Variants in RRP12 observed in about 807,000 individuals in gnomAD.
RRP12 encodes the protein RRP12-like protein.
In RRP12, 78 loss-of-function variants were observed where a neutral mutation model predicts 157.3. The ratio of observed to expected loss-of-function variants is 0.50; its 90% CI spans 0.41 to 0.60. The LOEUF is 0.60. Among genes scored for constraint, RRP12 ranks in the 20% least tolerant of loss-of-function variants. The pLI, the probability that RRP12 is intolerant of heterozygous loss-of-function variation, is 0.00. For missense variants in RRP12, 1,521 were observed against 1,679.9 expected (o/e 0.91, Z 1.65); for synonymous variants, 726 against 670.9 (o/e 1.08, Z -1.27).
At chr10:97,371,179 G>A in intron 20 of RRP12, 98 bp from the exon 21 acceptor site, 1 of 1,286,518 alleles carries the variant, frequency 7.8e-7, no homozygotes, top group Non-Finnish European at 1.1e-6. Flanking sequence ...CTGAGCAGGG[G>A]TCCGTGGGGG....
At chr10:97,365,085 C>A (rs1843937247) in intron 29 of RRP12, among the ~76,000 whole-genome samples, 1 of 152,028 alleles carries the variant, frequency 6.6e-6, no homozygotes, top group East Asian at 1.9e-4. Context: ...TGTATGATAT[C>A]CACTCTGAAG....
At chr10:97,370,693 C>G in intron 22 of RRP12, 23 bp downstream of exon 22, 1 of 1,613,530 alleles carries the variant, frequency 6.2e-7, no homozygotes, top group Non-Finnish European at 8.5e-7. Context: ...GGACCCCCCT[C>G]TAAAACACAC....
intron 29 of RRP12, chr10:97,365,905 A>G (rs1843961988): frequency 6.2e-6 from 4 of 642,176 alleles, no homozygotes; most frequent in South Asian, 1.9e-5. Flanking sequence ...TTTAAGTTAA[A>G]TATGTATTGT....
chr10:97,387,704 G>A (rs548978799), intron 8 of RRP12, among the ~76,000 whole-genome samples: 3 of 151,900 alleles, frequency 2.0e-5, no homozygotes, highest in Non-Finnish European at 2.9e-5. Context: ...ACTTTGGGAG[G>A]TTGAGGCGGG....
chr10:97,385,315 G>T, intron 9 of RRP12, 58 bp from the exon 10 acceptor site: 1 of 1,302,250 alleles, frequency 7.7e-7, no homozygotes, highest in Non-Finnish European at 1.1e-6. Flanking sequence ...GCCCAGTGAT[G>T]ATGACCCCTT....
At chr10:97,397,850 T>C (rs1175394190) in intron 2 of RRP12, among the ~76,000 whole-genome samples, 1 of 150,128 alleles carries the variant, frequency 6.7e-6, no homozygotes, top group Non-Finnish European at 1.5e-5. Context: ...TCCCAGCTAC[T>C]TGGGAATTGG....
chr10:97,372,352 C>T (rs917198491), intron 19 of RRP12, among the ~76,000 whole-genome samples, 186 bp from the exon 20 acceptor site: 3 of 152,156 alleles, frequency 2.0e-5, no homozygotes, highest in South Asian at 2.1e-4. Context: ...TACCAGTCAC[C>T]GTTCCTGGTG....
Position 97,385,133 on chromosome 10 carries a change from C to T in RRP12, c.1208+33G>A, listed in dbSNP as rs367892469. On this transcript the variant is annotated intron_variant, in intron 10 of 33. Transcript: ENST00000370992. ...AGCACCCCCACCTCAACAGCCTGGA[C>T]AGAGGCCCTAAGCACCCCTCCTTCA... 2.7e-5 allele frequency: 40 copies of T among 1,497,650 alleles called. No individual in the cohort carries two copies. The African/African-American group carries it at 4.9e-4, about 19-fold the overall frequency. The allele number at this position is 1,497,650 out of a possible 1,614,324, so 92.8% of individuals were successfully genotyped here.
chr10:97,381,282 C>T, intron 12 of RRP12, 104 bp downstream of exon 12: 1 of 840,066 alleles, frequency 1.2e-6, no homozygotes, highest in Admixed American at 3.0e-5. Context: ...AGCACTGCCA[C>T]TGCAGGCCTG....
chr10:97,393,658 G>A (rs751622908), intron 4 of RRP12, 26 bp downstream of exon 4: 12 of 1,597,204 alleles, frequency 7.5e-6, no homozygotes, highest in Non-Finnish European at 1.0e-5. Flanking sequence ...AAAAGCCTTG[G>A]GGTTCAAACA....
intron 17 of RRP12, 146 bp from the exon 18 acceptor site, chr10:97,373,346 G>A (rs1844212403): frequency 1.9e-6 from 2 of 1,030,026 alleles, no homozygotes; most frequent in Admixed American, 5.5e-5. Flanking sequence ...GGCAGAAGCT[G>A]AGCCAGGGCA....
At chr10:97,363,801 G>A in intron 30 of RRP12, 53 bp downstream of exon 30, 1 of 1,496,500 alleles carries the variant, frequency 6.7e-7, no homozygotes, top group Non-Finnish European at 9.3e-7. Flanking sequence ...AGAAGCTGTG[G>A]AGCCCAGGCT....
chr10:97,358,908 G>A, intron 32 of RRP12, 35 bp downstream of exon 32: 1 of 1,571,020 alleles, frequency 6.4e-7, no homozygotes, highest in Non-Finnish European at 8.8e-7. Context: ...CCTGTCCAGT[G>A]CCAGGAGACC....
intron 24 of RRP12, 61 bp downstream of exon 24, chr10:97,370,106 A>T (rs1589417748): frequency 8.4e-7 from 1 of 1,188,580 alleles, no homozygotes; most frequent in East Asian, 2.5e-5. Flanking sequence ...CTTTATCCTG[A>T]CCTTTTGGGC....
At position 97,367,094 on chromosome 10, in the gene RRP12, C is replaced by A; in HGVS notation, c.2994G>T (p.Arg998=). The change falls in exon 26 of 34, where the codon CGG becomes CGT. Residue 998 remains arginine (R), a synonymous_variant. Transcript: ENST00000370992. ...AIGKLSDDMR[R]HFRMKLRNLF... ...GGTTCCGAAGCTTCATGCGGAAGTG[C>A]CGCCGCATGTCATCTGAAAGCTTCC... The A allele has an allele frequency of 2.5e-6, 4 of 1,614,200 alleles. No individual in the cohort carries two copies. Among genetic ancestry groups the A allele is most frequent in the Non-Finnish European group, 3.4e-6 (4 of 1,180,036 alleles).
chr10:97,395,699 A>C (rs1844942178), intron 3 of RRP12, among the ~76,000 whole-genome samples: 1 of 151,840 alleles, frequency 6.6e-6, no homozygotes, highest in Non-Finnish European at 1.5e-5. Context: ...AAAATACAAA[A>C]AATAAGCCGG....
intron 25 of RRP12, chr10:97,367,453 CCT>C: frequency 2.6e-6 from 1 of 385,962 alleles, no homozygotes; most frequent in Non-Finnish European, 4.8e-6. Context: ...GCTATCACCC[CCT>C]ATTTATAGAA....
At chr10:97,380,738 G>A (rs199550258) in intron 13 of RRP12, 61 bp downstream of exon 13, 4 of 1,208,196 alleles carry the variant, frequency 3.3e-6, no homozygotes, top group East Asian at 2.3e-5. Context: ...TGCCCTCCAG[G>A]AGCCCATAGT....
At chr10:97,388,753 ATC>A in intron 6 of RRP12, 129 bp from the exon 7 acceptor site, 1 of 1,133,950 alleles carries the variant, frequency 8.8e-7, no homozygotes, top group Non-Finnish European at 1.2e-6. Context: ...ACTACTATAG[ATC>A]CAGTGCTACA....
Sources: allele counts gnomAD v4.1 joint callset (sites outside exome capture counted in the v4.1 genomes callset), GRCh38; gene constraint gnomAD v4.1.1; transcripts MANE v1.5; gene names NCBI Gene and HGNC (gene_info 2026-07-23, HGNC 2026-07-21).